NME7: variants seen among roughly 807,000 people sequenced by gnomAD.
NME7 encodes the protein NME/NM23 family member 7.
A neutral mutation model predicts 49.1 loss-of-function variants in NME7; 41 were observed. That is an observed-to-expected ratio of 0.83 (90% CI 0.65 to 1.08). NME7 has a LOEUF of 1.08. NME7 is among the 50% of genes least tolerant of loss of function. The pLI, the probability that NME7 is intolerant of heterozygous loss-of-function variation, is 0.00. For missense variants in NME7, 423 were observed against 463.4 expected (o/e 0.91, Z 0.80); for synonymous variants, 139 against 150.6 (o/e 0.92, Z 0.56).
chr1:169,215,255 C>A (rs184862617), intron 10 of NME7, among the ~76,000 whole-genome samples: 1 of 152,262 alleles, frequency 6.6e-6, no homozygotes, highest in East Asian at 1.9e-4. Context: ...TTCTAGATAT[C>A]CAGCTGCTTC....
chr1:169,216,902 G>T (rs190956782), intron 10 of NME7, among the ~76,000 whole-genome samples: 7 of 152,276 alleles, frequency 4.6e-5, no homozygotes, highest in Admixed American at 2.6e-4. Context: ...AAAAGCAGAA[G>T]AATAACAGAT....
intron 11 of NME7, among the ~76,000 whole-genome samples, chr1:169,142,814 A>AATGCTCATTCTCGCATGGC (rs1279514959): frequency 6.6e-6 from 1 of 152,166 alleles, no homozygotes; most frequent in Non-Finnish European, 1.5e-5. Context: ...GCACCTAGAA[A>AATGCTCATTCTCGCATGGC]ATGCTCATTC....
chr1:169,338,458 C>T (rs1438036651), intron 1 of NME7, among the ~76,000 whole-genome samples: 1 of 152,172 alleles, frequency 6.6e-6, no homozygotes, highest in Non-Finnish European at 1.5e-5. Flanking sequence ...ACCATTTCCA[C>T]AGTATGAATA....
intron 7 of NME7, among the ~76,000 whole-genome samples, chr1:169,252,464 C>T (rs1334201403): frequency 6.6e-6 from 1 of 151,984 alleles, no homozygotes; most frequent in Non-Finnish European, 1.5e-5. Flanking sequence ...GATATTAGCC[C>T]TTTGTCAGAA....
chr1:169,171,766 A>AAAC (rs567528400), intron 10 of NME7, among the ~76,000 whole-genome samples: 237 of 152,144 alleles, frequency 1.6e-3, no homozygotes, highest in African/African-American at 5.0e-3. Flanking sequence ...TCCATCTCAA[A>AAAC]AACAACAACA....
rs974812336 is a variant in NME7, at chr1:169,271,866, A to C, written c.754+15437T>G. Among the ~76,000 whole-genome samples, 7 of 133,366 alleles carry C rather than the reference A, an allele frequency of 5.2e-5. 2 individuals are homozygous for C. In the South Asian group the frequency reaches 6.9e-4, roughly 13 times the overall value. The allele number at this position is 133,366 out of a possible 152,430, so 87.5% of individuals were successfully genotyped here. On this transcript the variant is annotated intron_variant, in intron 7 of 11. Transcript: ENST00000367811. ...ATTATTATAGAAACAGATAAACATA[A>C]ACCAGCAAATGAAAGGGGGCCATGT...
At chr1:169,356,795 G>A (rs905748568) in intron 1 of NME7, among the ~76,000 whole-genome samples, 4 of 152,072 alleles carry the variant, frequency 2.6e-5, no homozygotes, top group South Asian at 2.1e-4. Flanking sequence ...TTCCAAATGC[G>A]TTCCAGTAAC....
At chr1:169,365,685 A>C (rs1653826031) in intron 1 of NME7, among the ~76,000 whole-genome samples, 1 of 152,202 alleles carries the variant, frequency 6.6e-6, no homozygotes, top group African/African-American at 2.4e-5. Context: ...AGTTTTAAGG[A>C]GGTGAGTAAA....
At chr1:169,341,455 G>A (rs1304128423) in intron 1 of NME7, among the ~76,000 whole-genome samples, 1 of 152,212 alleles carries the variant, frequency 6.6e-6, no homozygotes, top group Non-Finnish European at 1.5e-5. Flanking sequence ...GCCTCTACTA[G>A]GGCAATGCAG....
rs561287723 is a variant in NME7, at chr1:169,141,746, T to C, written c.1099-8929A>G. ...ATAGAAATAAAAATTTTTTAGAAGATGGAATGCCTTTTTTTTTATAAGGAC... is the reference window on the plus strand; with the variant it reads ...ATAGAAATAAAAATTTTTTAGAAGACGGAATGCCTTTTTTTTTATAAGGAC... On this transcript the variant is annotated intron_variant, in intron 11 of 11. Transcript: ENST00000367811. 3.9e-5 allele frequency among the ~76,000 whole-genome samples: 6 copies of C among 152,164 alleles called. No homozygotes were observed. The East Asian group carries it at 9.6e-4, about 24-fold the overall frequency.
intron 1 of NME7, among the ~76,000 whole-genome samples, chr1:169,353,460 T>C (rs973547719): frequency 2.0e-5 from 3 of 151,974 alleles, no homozygotes; most frequent in Non-Finnish European, 4.4e-5. Flanking sequence ...AAGAAAACAT[T>C]GAGGAAAATT....
chr1:169,254,347 G>A (rs1419375065), intron 7 of NME7, among the ~76,000 whole-genome samples: 3 of 151,982 alleles, frequency 2.0e-5, no homozygotes, highest in Non-Finnish European at 2.9e-5. Flanking sequence ...TAGTTTATTT[G>A]CGTAGAGGTG....
intron 6 of NME7, among the ~76,000 whole-genome samples, chr1:169,293,120 C>A (rs1158707533): frequency 6.6e-6 from 1 of 150,384 alleles, no homozygotes; most frequent in Admixed American, 6.6e-5. Context: ...TATCACAAGA[C>A]CCTGTCTTTA....
At chr1:169,233,930 GTTTC>G (rs201601978) in intron 9 of NME7, among the ~76,000 whole-genome samples, 17 of 148,528 alleles carry the variant, frequency 1.1e-4, no homozygotes, top group Admixed American at 2.0e-4. Context: ...TTTTTCCTTT[GTTTC>G]TTTCTTTCTT....
intron 1 of NME7, among the ~76,000 whole-genome samples, chr1:169,361,211 T>C (rs1653640783): frequency 6.6e-6 from 1 of 152,178 alleles, no homozygotes; most frequent in South Asian, 2.1e-4. Context: ...CAAAAATAAA[T>C]AAAAAGCTAC....
rs1648780236 is a variant in NME7, at chr1:169,254,142, C to G, written c.755-16455G>C. ...GGAATAGTTTCAGAAGGAATGGTACCAGTTCCTCCTTGTACCTCTGGTAGA... is the reference window on the plus strand; with the variant it reads ...GGAATAGTTTCAGAAGGAATGGTACGAGTTCCTCCTTGTACCTCTGGTAGA... On this transcript the variant is annotated intron_variant, in intron 7 of 11. Coordinates refer to ENST00000367811, the MANE Select transcript of NME7 (RefSeq NM_013330.5). Among the ~76,000 whole-genome samples, 3 of 149,920 alleles carry G rather than the reference C, an allele frequency of 2.0e-5. No homozygotes were observed. The South Asian group carries it at 6.5e-4, about 32-fold the overall frequency.
intron 1 of NME7, among the ~76,000 whole-genome samples, chr1:169,347,191 C>T (rs533361920): frequency 2.2e-4 from 34 of 152,100 alleles, no homozygotes; most frequent in African/African-American, 2.9e-4. Context: ...CACAGTGAGA[C>T]GCCATCTCTA....
chr1:169,169,533 G>A lies in NME7; in HGVS notation c.1012C>T (p.Pro338Ser), dbSNP rs927675478. Residue 338 changes from proline (P) to serine (S), a missense_variant, in exon 11 of 12, where the codon CCT (proline) becomes TCT (serine). Transcript: ENST00000367811. ...ADPEIARHLR[P>S]GTLRAIFGKT... Reference sequence around the variant, plus strand: ...CCAAAGATTGCTCTGAGAGTTCCAGGGCGTAAATGCCGGGCAATTTCCTAT... The same window carrying A: ...CCAAAGATTGCTCTGAGAGTTCCAGAGCGTAAATGCCGGGCAATTTCCTAT... 3.7e-6 allele frequency: 6 copies of A among 1,613,756 alleles called. No individual in the cohort carries two copies. The highest frequency in any genetic ancestry group is 3.3e-5 in the Admixed American group (2 of 60,002).
chr1:169,143,701 G>A (rs1368402942), intron 11 of NME7, among the ~76,000 whole-genome samples: 1 of 152,158 alleles, frequency 6.6e-6, no homozygotes, highest in Non-Finnish European at 1.5e-5. Flanking sequence ...TTCAATGAAT[G>A]AATTTACGGT....
Sources: allele counts gnomAD v4.1 joint callset (sites outside exome capture counted in the v4.1 genomes callset), GRCh38; gene constraint gnomAD v4.1.1; transcripts MANE v1.5; gene names NCBI Gene and HGNC (gene_info 2026-07-23, HGNC 2026-07-21).